Variants in RXRA observed in about 807,000 individuals in gnomAD.
RXRA encodes the protein retinoic acid receptor RXR-alpha.
In RXRA, 5 loss-of-function variants were observed where a neutral mutation model predicts 44.5. The ratio of observed to expected loss-of-function variants is 0.11; its 90% confidence interval spans 0.06 to 0.24. The LOEUF is 0.24. Ranked by LOEUF, RXRA falls within the 10% of genes least tolerant of loss-of-function variation. The probability of loss-of-function intolerance (pLI) is 1.00; values close to 1 mark genes in which losing one functional copy is unlikely to be tolerated. For missense variants in RXRA, 412 were observed against 646.5 expected, an observed-to-expected ratio of 0.64 and a Z score of 3.93; for synonymous variants, 291 against 271.4, an observed-to-expected ratio of 1.07 and a Z score of -0.71.
chr9:134,424,724 A>G, intron 6 of RXRA: 1 of 985,428 alleles, frequency 1.0e-6, no homozygotes, highest in Non-Finnish European at 1.2e-6. Flanking sequence ...GTGGCTGGAG[A>G]GGACCTGGGT....
intron 1 of RXRA, among the ~76,000 whole-genome samples, chr9:134,330,115 C>G (rs1295739034): frequency 6.6e-6 from 1 of 152,108 alleles, no homozygotes; most frequent in Non-Finnish European, 1.5e-5. Context: ...GCTGGGACCT[C>G]GAGTGGTGAG....
chr9:134,359,183 G>A (rs986836900), intron 1 of RXRA, among the ~76,000 whole-genome samples: 1 of 152,112 alleles, frequency 6.6e-6, no homozygotes, highest in African/African-American at 2.4e-5. Context: ...TGAGGGCACG[G>A]AGAGTGAGAT....
At chr9:134,361,613 C>T (rs895606081) in intron 1 of RXRA, among the ~76,000 whole-genome samples, 8 of 152,348 alleles carry the variant, frequency 5.3e-5, no homozygotes, top group East Asian at 1.9e-4. Context: ...CAGTGGCCGT[C>T]GCCCGTCATT....
chr9:134,367,192 T>C (rs1281762163), intron 1 of RXRA, among the ~76,000 whole-genome samples: 3 of 152,170 alleles, frequency 2.0e-5, no homozygotes, highest in African/African-American at 7.2e-5. Flanking sequence ...CTGGAGCTGC[T>C]GCAGTGCCCC....
intron 1 of RXRA, among the ~76,000 whole-genome samples, chr9:134,370,377 G>T (rs1017862689): frequency 6.6e-6 from 1 of 152,222 alleles, no homozygotes; most frequent in African/African-American, 2.4e-5. Flanking sequence ...TGCCCGGCTG[G>T]TTCCAAGGCC....
At chr9:134,346,046 T>A (rs1024289960) in intron 1 of RXRA, among the ~76,000 whole-genome samples, 1 of 152,100 alleles carries the variant, frequency 6.6e-6, no homozygotes, top group African/African-American at 2.4e-5. Context: ...CCTAGGCCAT[T>A]TCTGGGGGGT....
At chr9:134,357,009 G>A (rs1256657518) in intron 1 of RXRA, among the ~76,000 whole-genome samples, 1 of 152,242 alleles carries the variant, frequency 6.6e-6, no homozygotes, top group East Asian at 1.9e-4. Context: ...AGGCCCCCAG[G>A]CAGAGCCGGG....
At chr9:134,425,221 C>T (rs966186431) in intron 6 of RXRA, 217 of 985,250 alleles carry the variant, frequency 2.2e-4, no homozygotes, top group Middle Eastern at 5.2e-4. Context: ...TGATGTCACA[C>T]GTGTCTGCTC....
rs1472546788 is a variant in RXRA, at chr9:134,434,104, T to C, written c.1138T>C (p.Ser380Pro). ...LRAIVLFNPD[S>P]KGLSNPAEVE... Reference sequence around the variant, plus strand: ...GACCTGTGGCTTCTTCCTTTCAGACTCCAAGGGGCTCTCGAACCCGGCCGA... The same window carrying C: ...GACCTGTGGCTTCTTCCTTTCAGACCCCAAGGGGCTCTCGAACCCGGCCGA... Residue 380 changes from serine to proline, a missense_variant and splice_region_variant, in exon 9 of 10, where the codon TCC becomes CCC. Physicochemically the swap from Ser to Pro is moderately conservative, Grantham distance 74. Coordinates refer to ENST00000481739, the MANE Select transcript of RXRA (RefSeq NM_002957.6). 5 of 1,612,886 alleles carry C rather than the reference T, an allele frequency of 3.1e-6. No homozygotes were observed. The highest frequency in any genetic ancestry group is 4.2e-6 in the Non-Finnish European group (5 of 1,179,410).
chr9:134,395,107 G>A (rs914480975), intron 1 of RXRA, among the ~76,000 whole-genome samples: 1 of 152,210 alleles, frequency 6.6e-6, no homozygotes, highest in Non-Finnish European at 1.5e-5. Context: ...CTGGGACACC[G>A]TGGGCTCTCA....
intron 1 of RXRA, among the ~76,000 whole-genome samples, chr9:134,369,968 G>A (rs1191288703): frequency 6.6e-6 from 1 of 152,174 alleles, no homozygotes; most frequent in African/African-American, 2.4e-5. Flanking sequence ...TGCCCAGTGG[G>A]ATGAGCAGGG....
At chr9:134,435,749 G>A (rs933607466) in intron 9 of RXRA, among the ~76,000 whole-genome samples, 1 of 152,016 alleles carries the variant, frequency 6.6e-6, no homozygotes, top group African/African-American at 2.4e-5. Context: ...TGTTCCCTGC[G>A]ACTCACCAGT....
At chr9:134,412,355 C>G (rs1333690392) in intron 4 of RXRA, among the ~76,000 whole-genome samples, 1 of 152,228 alleles carries the variant, frequency 6.6e-6, no homozygotes, top group East Asian at 1.9e-4. Context: ...TAGAAACAGG[C>G]TGGAGCTGAG....
At position 134,438,166 on chromosome 9, in the gene RXRA, G is replaced by C. The variant is rs1007382617; in HGVS notation, c.*1552G>C. Reference sequence around the variant, plus strand: ...AGGGTGGATGGGGGGGATACCGGAGGGGGTCTTGTCTTCCCAGCCGCAGTC... The same window carrying C: ...AGGGTGGATGGGGGGGATACCGGAGCGGGTCTTGTCTTCCCAGCCGCAGTC... On this transcript the variant is annotated 3_prime_UTR_variant, in exon 10 of 10. Transcript: ENST00000481739. 5.9e-5 allele frequency: 9 copies of C among 153,012 alleles called. No individual in the cohort carries two copies. Among genetic ancestry groups the C allele is most frequent in the African/African-American group, 2.2e-4 (9 of 41,458 alleles). The allele number at this position is 153,012 out of a possible 1,614,324, so 9.5% of individuals were successfully genotyped here.
In RXRA at chr9:134,401,894, G is replaced by T. The variant is rs539540151; in HGVS notation, c.279+12G>T. 14 of 1,592,126 alleles carry T rather than the reference G, an allele frequency of 8.8e-6. No individual in the cohort carries two copies. In the East Asian group the frequency reaches 2.7e-4, roughly 31 times the overall value. Reference sequence around the variant, plus strand: ...CTGGCAGCCCCCAGGTGAGTGCGGGGCTGGGGCAAGGGGAGGGGGTGGGGC... The same window carrying T: ...CTGGCAGCCCCCAGGTGAGTGCGGGTCTGGGGCAAGGGGAGGGGGTGGGGC... On this transcript the variant is annotated intron_variant, in intron 2 of 9. Transcript: ENST00000481739.
chr9:134,329,742 A>G, intron 1 of RXRA, among the ~76,000 whole-genome samples: 1 of 152,124 alleles, frequency 6.6e-6, no homozygotes, highest in Non-Finnish European at 1.5e-5. Context: ...GCTCACCTCC[A>G]CCAGGAGGCC....
intron 2 of RXRA, chr9:134,402,839 T>G (rs1347901483): frequency 6.6e-6 from 1 of 152,194 alleles, no homozygotes; most frequent in Non-Finnish European, 1.5e-5. Flanking sequence ...TTTCTGTGTT[T>G]GGGTTTCACC....
At chr9:134,357,022 G>A (rs1237013217) in intron 1 of RXRA, among the ~76,000 whole-genome samples, 4 of 152,246 alleles carry the variant, frequency 2.6e-5, no homozygotes, top group African/African-American at 9.6e-5. Flanking sequence ...GAGCCGGGGA[G>A]GCGTGAAGGC....
chr9:134,381,302 C>T (rs1199258486), intron 1 of RXRA, among the ~76,000 whole-genome samples: 1 of 151,200 alleles, frequency 6.6e-6, no homozygotes, highest in Non-Finnish European at 1.5e-5. Context: ...GCCTCACCTG[C>T]TGGTAGAGCC....
Sources: allele counts gnomAD v4.1 joint callset (sites outside exome capture counted in the v4.1 genomes callset), GRCh38; gene constraint gnomAD v4.1.1; transcripts MANE v1.5; gene names NCBI Gene and HGNC (gene_info 2026-07-23, HGNC 2026-07-21).